The following PDE1C variants were observed in gnomAD, a reference collection of about 807,000 sequenced individuals.
PDE1C encodes dual specificity calcium/calmodulin-dependent 3',5'-cyclic nucleotide phosphodiesterase 1C.
In PDE1C, 62 loss-of-function variants were observed where a neutral mutation model predicts 93.1. The ratio of observed to expected loss-of-function variants is 0.67; its 90% CI spans 0.54 to 0.82. The LOEUF (loss-of-function observed/expected upper bound fraction) is 0.82, where lower values mean the gene tolerates loss of function less well. Among genes scored for constraint, PDE1C ranks in the 40% least tolerant of loss-of-function variants. The pLI, the probability that PDE1C is intolerant of heterozygous loss-of-function variation, is 0.00. For missense variants in PDE1C, 742 were observed against 884.6 expected (o/e 0.84, Z 2.04); for synonymous variants, 325 against 310.1 (o/e 1.05, Z -0.50).
intron 1 of PDE1C, among the ~76,000 whole-genome samples, chr7:32,062,703 T>C (rs866497314): frequency 3.9e-4 from 60 of 152,172 alleles, no homozygotes; most frequent in African/African-American, 1.4e-3. Context: ...TATTGTTTAA[T>C]ATATTCCTCT....
intron 2 of PDE1C, chr7:32,209,380 AT>A: frequency 1.1e-6 from 1 of 923,648 alleles, no homozygotes; most frequent in South Asian, 1.7e-5. Context: ...CTGCATTACT[AT>A]TTTATTAACA....
the PDE1C span, among the ~76,000 whole-genome samples, chr7:31,732,371 A>AT: frequency 6.6e-5 from 10 of 150,650 alleles, no homozygotes; most frequent in East Asian, 1.9e-4. Context: ...TGCCGTGAAG[A>AT]TTTTTTTTTA....
chr7:32,054,228 T>C (rs966838169), intron 1 of PDE1C, among the ~76,000 whole-genome samples: 2 of 152,180 alleles, frequency 1.3e-5, no homozygotes, highest in East Asian at 1.9e-4. Flanking sequence ...CTCCGTGGCA[T>C]TGCATTGTCT....
chr7:31,878,068 A>T, intron 4 of PDE1C, 32 bp from the exon 5 acceptor site: 1 of 1,484,882 alleles, frequency 6.7e-7, no homozygotes, highest in Non-Finnish European at 9.4e-7. Context: ...ATGCAACATG[A>T]TATCTTATAA....
chr7:31,774,992 T>C (rs1448270938), intron 17 of PDE1C, among the ~76,000 whole-genome samples: 3 of 152,156 alleles, frequency 2.0e-5, no homozygotes, highest in Admixed American at 6.5e-5. Flanking sequence ...TAAATAAAAA[T>C]TAAATTGTAG....
At chr7:31,924,184 G>A (rs182977916) in intron 2 of PDE1C, among the ~76,000 whole-genome samples, 1 of 152,242 alleles carries the variant, frequency 6.6e-6, no homozygotes, top group Admixed American at 6.5e-5. Context: ...TAAGCATCCT[G>A]TATGGATTTC....
intron 1 of PDE1C, among the ~76,000 whole-genome samples, chr7:32,247,594 G>A (rs1809060487): frequency 6.6e-6 from 1 of 152,144 alleles, no homozygotes; most frequent in African/African-American, 2.4e-5. Context: ...TTTCAATGCT[G>A]CAAAAGTGTA....
At chr7:31,846,590 C>A (rs182213751) in intron 9 of PDE1C, among the ~76,000 whole-genome samples, 555 of 152,204 alleles carry the variant, frequency 3.6e-3, no homozygotes, top group African/African-American at 0.013. Flanking sequence ...TTGACTAAAA[C>A]ACCAAAAGCA....
the PDE1C span, chr7:31,643,406 C>T: frequency 3.7e-6 from 6 of 1,613,992 alleles, no homozygotes; most frequent in Non-Finnish European, 4.2e-6. Flanking sequence ...CAGGTGAAGT[C>T]AAGGTCTGGT....
chr7:32,261,009 C>T (rs767179105), intron 1 of PDE1C, among the ~76,000 whole-genome samples: 52 of 152,134 alleles, frequency 3.4e-4, no homozygotes, highest in Admixed American at 9.2e-4. Flanking sequence ...ACTCAGGATG[C>T]TGAGGCAGGA....
intron 1 of PDE1C, among the ~76,000 whole-genome samples, chr7:32,321,220 C>G (rs1783285196): frequency 6.6e-6 from 1 of 152,206 alleles, no homozygotes; most frequent in African/African-American, 2.4e-5. Flanking sequence ...TGTGATACAG[C>G]CTCTCTTTAA....
intron 3 of PDE1C, among the ~76,000 whole-genome samples, chr7:32,082,616 C>A (rs913051186): frequency 2.0e-5 from 3 of 152,230 alleles, no homozygotes; most frequent in African/African-American, 7.2e-5. Flanking sequence ...TAGGGGCAGA[C>A]TGACACCTCA....
At chr7:32,103,889 A>T (rs1798161179) in intron 3 of PDE1C, among the ~76,000 whole-genome samples, 1 of 152,206 alleles carries the variant, frequency 6.6e-6, no homozygotes, top group Non-Finnish European at 1.5e-5. Context: ...GGAGAAGAGA[A>T]TGAGAGAGCT....
At chr7:32,121,289 C>T (rs1465078086) in intron 3 of PDE1C, among the ~76,000 whole-genome samples, 1 of 152,102 alleles carries the variant, frequency 6.6e-6, no homozygotes, top group Non-Finnish European at 1.5e-5. Flanking sequence ...AGAATGGAAA[C>T]AAGTTGGAAA....
intron 2 of PDE1C, among the ~76,000 whole-genome samples, chr7:32,024,069 T>TA (rs1429331759): frequency 6.6e-6 from 1 of 152,128 alleles, no homozygotes; most frequent in East Asian, 1.9e-4. Flanking sequence ...TATTTCAAAA[T>TA]AAAAACTTTA....
At chr7:31,674,174 T>C in the PDE1C span, among the ~76,000 whole-genome samples, 2 of 152,206 alleles carry the variant, frequency 1.3e-5, no homozygotes, top group Non-Finnish European at 2.9e-5. Flanking sequence ...CTGCCCACTC[T>C]ACAGAGGCAA....
the PDE1C span, among the ~76,000 whole-genome samples, chr7:31,624,689 T>C: frequency 1.3e-5 from 2 of 150,388 alleles, no homozygotes. Flanking sequence ...ACCTAGGCAT[T>C]ACCATTCAGG....
At chr7:31,958,674 C>T (rs1808488772) in intron 2 of PDE1C, among the ~76,000 whole-genome samples, 1 of 152,038 alleles carries the variant, frequency 6.6e-6, no homozygotes, top group South Asian at 2.1e-4. Context: ...ATAGTGCACC[C>T]AGACACAATT....
intron 2 of PDE1C, among the ~76,000 whole-genome samples, chr7:31,899,292 C>G (rs1799688184): frequency 6.6e-6 from 1 of 152,102 alleles, no homozygotes; most frequent in Admixed American, 6.6e-5. Context: ...GTGCCTGCCA[C>G]CACGCCTGGC....
Sources: gnomAD v4.1 joint callset for allele counts (sites outside exome capture counted in the v4.1 genomes callset) on GRCh38, gnomAD v4.1.1 for gene constraint, MANE v1.5 for transcripts, NCBI Gene and HGNC (gene_info 2026-07-23, HGNC 2026-07-21) for gene names.